The following ATG5 variants were observed in gnomAD, a reference collection of about 807,000 sequenced individuals.
ATG5 encodes the protein autophagy protein 5.
A neutral mutation model predicts 36.5 loss-of-function variants in ATG5; 14 were observed. The observed-to-expected ratio is 0.38, with a 90% CI of 0.25 to 0.60. The LOEUF is 0.60. ATG5 is among the 20% of genes least tolerant of loss of function. ATG5 has a pLI of 0.60. For missense variants in ATG5, 195 were observed against 326.7 expected (o/e 0.60, Z 3.11); for synonymous variants, 95 against 101.5 (o/e 0.94, Z 0.38).
At chr6:106,217,271 T>C (rs1777076066) in intron 6 of ATG5, among the ~76,000 whole-genome samples, 2 of 152,182 alleles carry the variant, frequency 1.3e-5, no homozygotes, top group Admixed American at 6.5e-5. Context: ...TAACTTTGTC[T>C]TAACTGTTCA....
chr6:106,308,312 T>C, intron 3 of ATG5, 52 bp downstream of exon 3: 1 of 1,430,552 alleles, frequency 7.0e-7, no homozygotes, highest in Non-Finnish European at 9.2e-7. Flanking sequence ...CACTATACCT[T>C]TTTAAAGCTA....
intron 6 of ATG5, among the ~76,000 whole-genome samples, chr6:106,220,684 T>G (rs1313137121): frequency 6.6e-6 from 1 of 152,100 alleles, no homozygotes; most frequent in African/African-American, 2.4e-5. Context: ...CTACCAAGAA[T>G]CAAAGCCTAG....
chr6:106,251,745 AAAG>A (rs1314177909), intron 5 of ATG5, among the ~76,000 whole-genome samples: 1 of 150,130 alleles, frequency 6.7e-6, no homozygotes, highest in Non-Finnish European at 1.5e-5. Context: ...GAAAGAAAGA[AAAG>A]AAAGAAAGAA....
chr6:106,248,693 T>TA (rs2114515453), intron 5 of ATG5, among the ~76,000 whole-genome samples: 1 of 152,266 alleles, frequency 6.6e-6, no homozygotes, highest in African/African-American at 2.4e-5. Context: ...CACAGCACTT[T>TA]AGGAGGAGGC....
intron 6 of ATG5, among the ~76,000 whole-genome samples, chr6:106,209,461 T>C (rs567011473): frequency 6.6e-6 from 1 of 152,306 alleles, no homozygotes; most frequent in Admixed American, 6.5e-5. Flanking sequence ...TCCACTGATA[T>C]AACATTAGTG....
intron 6 of ATG5, among the ~76,000 whole-genome samples, chr6:106,240,550 T>C (rs2114491614): frequency 6.6e-6 from 1 of 152,022 alleles, no homozygotes; most frequent in South Asian, 2.1e-4. Context: ...CCCACAATAC[T>C]ACTAAAAATC....
rs138931160 is a variant in ATG5, at chr6:106,229,347, T to G, written c.573+18803A>C. ...CACCACCCTTGCCAGGGCCCCAAGT[T>G]TGTAAATGGCTAAGAGAGGAAACAG... On this transcript the variant is annotated intron_variant, in intron 6 of 7. Transcript: ENST00000369076. Among the ~76,000 whole-genome samples the G allele has an allele frequency of 5.0e-3, 763 of 151,858 alleles. 4 individuals carry two copies. Among genetic ancestry groups the G allele is most frequent in the African/African-American group, 0.017 (724 of 41,374 alleles).
At chr6:106,264,768 G>T (rs1283417132) in intron 5 of ATG5, among the ~76,000 whole-genome samples, 3 of 152,086 alleles carry the variant, frequency 2.0e-5, no homozygotes, top group African/African-American at 7.2e-5. Context: ...AGGAGAAATA[G>T]AATCCTTTAG....
intron 6 of ATG5, among the ~76,000 whole-genome samples, chr6:106,219,980 G>C (rs368290118): frequency 1.3e-5 from 2 of 152,146 alleles, no homozygotes; most frequent in African/African-American, 4.8e-5. Flanking sequence ...CAATATAACA[G>C]TGGTTCTCTG....
At chr6:106,200,414 T>C (rs779717046) in intron 7 of ATG5, among the ~76,000 whole-genome samples, 3 of 152,214 alleles carry the variant, frequency 2.0e-5, no homozygotes, top group Non-Finnish European at 4.4e-5. Context: ...CATTACCTGT[T>C]TCCTTCATGG....
chr6:106,196,811 C>T (rs185204968), intron 7 of ATG5, among the ~76,000 whole-genome samples: 2 of 110,722 alleles, frequency 1.8e-5, no homozygotes, highest in African/African-American at 5.6e-5. Context: ...CTAATTTCTT[C>T]CCACTCTAGG....
At chr6:106,250,738 G>A (rs1778542434) in intron 5 of ATG5, among the ~76,000 whole-genome samples, 1 of 152,194 alleles carries the variant, frequency 6.6e-6, no homozygotes, top group African/African-American at 2.4e-5. Flanking sequence ...CATAGTATGT[G>A]CTCTTGAATC....
At chr6:106,207,472 G>A (rs1339675137) in intron 6 of ATG5, among the ~76,000 whole-genome samples, 1 of 151,820 alleles carries the variant, frequency 6.6e-6, no homozygotes, top group East Asian at 1.9e-4. Context: ...AGACCGAGGT[G>A]GGAGGAGAGC....
chr6:106,309,704 C>T (rs1770577479), intron 2 of ATG5, among the ~76,000 whole-genome samples: 1 of 152,064 alleles, frequency 6.6e-6, no homozygotes, highest in Admixed American at 6.6e-5. Flanking sequence ...AGAAAAGATT[C>T]AGTGTAGTCT....
At chr6:106,317,596 T>C (rs1025988861) in intron 1 of ATG5, among the ~76,000 whole-genome samples, 2 of 152,232 alleles carry the variant, frequency 1.3e-5, no homozygotes, top group African/African-American at 4.8e-5. Context: ...TCCAGTGCTC[T>C]TTCCAGCATA....
At chr6:106,268,288 C>T (rs1779304432) in intron 5 of ATG5, among the ~76,000 whole-genome samples, 1 of 152,172 alleles carries the variant, frequency 6.6e-6, no homozygotes, top group Non-Finnish European at 1.5e-5. Context: ...AGCTCATCTT[C>T]ACTGATCATT....
rs570864781 is a variant in ATG5 at position 106,270,115 on chromosome 6, A to T, written c.478+9546T>A. Among the ~76,000 whole-genome samples the T allele has an allele frequency of 8.5e-5, 13 of 152,314 alleles. No individual in the cohort carries two copies. The South Asian group carries it at 2.7e-3, about 32-fold the overall frequency. On this transcript the variant is annotated intron_variant, in intron 5 of 7. Transcript: ENST00000369076. ...AAAGTTAATTTATTCACTTAAATCA[A>T]GTAATTTCAGGAGCAATCCTTCTCC...
chr6:106,313,246 G>C (rs1770719155), intron 2 of ATG5, among the ~76,000 whole-genome samples: 1 of 152,176 alleles, frequency 6.6e-6, no homozygotes, highest in Non-Finnish European at 1.5e-5. Flanking sequence ...GTGACAGAAA[G>C]TTAAGGGAGG....
At chr6:106,316,659 CT>C (rs1770863112) in intron 1 of ATG5, among the ~76,000 whole-genome samples, 1 of 152,158 alleles carries the variant, frequency 6.6e-6, no homozygotes, top group African/African-American at 2.4e-5. Context: ...GCATTTACCC[CT>C]GCCCCGTCCA....
Sources: allele counts gnomAD v4.1 joint callset (sites outside exome capture counted in the v4.1 genomes callset), GRCh38; gene constraint gnomAD v4.1.1; transcripts MANE v1.5; gene names NCBI Gene and HGNC (gene_info 2026-07-23, HGNC 2026-07-21).